ROBO2: variants seen among roughly 807,000 people sequenced by gnomAD.
ROBO2 encodes the protein roundabout guidance receptor 2.
Under a neutral mutation model 160.8 loss-of-function variants are expected in ROBO2, and 53 were observed. The observed-to-expected ratio is 0.33, with a 90% confidence interval of 0.26 to 0.41. ROBO2 has a LOEUF of 0.41. Ranked by LOEUF, ROBO2 falls within the 10% of genes least tolerant of loss-of-function variation. The pLI, the probability that ROBO2 is intolerant of heterozygous loss-of-function variation, is 1.00. For synonymous variants in ROBO2, 664 were observed against 611.7 expected (o/e 1.09, Z -1.26); for missense variants, 1,577 against 1,722.4 (o/e 0.92, Z 1.49).
At chr3:75,914,569 G>T (rs1576117358) in intron 1 of ROBO2, among the ~76,000 whole-genome samples, 1 of 152,148 alleles carries the variant, frequency 6.6e-6, no homozygotes. Context: ...AAAATAAAGA[G>T]AAGTTGATGC....
At chr3:76,198,956 C>T (rs1162382373) in intron 2 of ROBO2, among the ~76,000 whole-genome samples, 1 of 152,168 alleles carries the variant, frequency 6.6e-6, no homozygotes, top group Non-Finnish European at 1.5e-5. Flanking sequence ...TTGAACTGTA[C>T]CCCAACTACC....
At chr3:76,961,352 C>T (rs920370773) in intron 2 of ROBO2, among the ~76,000 whole-genome samples, 1 of 149,702 alleles carries the variant, frequency 6.7e-6, no homozygotes, top group Admixed American at 6.7e-5. Context: ...TTATGCACAT[C>T]GAAAATTTTC....
rs528152107 is a variant in ROBO2, at chr3:77,080,005, G to T, written c.62-18009G>T. Among the ~76,000 whole-genome samples, 15 of 152,222 alleles carry T rather than the reference G, an allele frequency of 9.9e-5. No homozygotes were observed. The South Asian group carries it at 3.1e-3, about 32-fold the overall frequency. The stretch of plus-strand genomic sequence containing the variant: ...CCATACAGTGTTAAATAATATTCTC[G>T]CTCCGTGTTTGTGAACTGAAACAAA... On this transcript the variant is annotated intron_variant, in intron 1 of 25. Coordinates refer to ENST00000461745, the Ensembl canonical transcript of ROBO2.
At chr3:76,322,860 A>C (rs1308291501) in intron 2 of ROBO2, among the ~76,000 whole-genome samples, 1 of 152,174 alleles carries the variant, frequency 6.6e-6, no homozygotes, top group Non-Finnish European at 1.5e-5. Context: ...CAATTAAAAT[A>C]ACTTTATGGG....
chr3:76,750,468 A>G (rs2093964869), intron 2 of ROBO2, among the ~76,000 whole-genome samples: 2 of 152,142 alleles, frequency 1.3e-5, no homozygotes, highest in African/African-American at 4.8e-5. Context: ...GGGAGAAAGA[A>G]ATAAAGGGTA....
intron 2 of ROBO2, among the ~76,000 whole-genome samples, chr3:77,226,093 C>T (rs1580172290): frequency 6.6e-6 from 1 of 151,908 alleles, no homozygotes; most frequent in Non-Finnish European, 1.5e-5. Context: ...AGAAATAATA[C>T]AACATGAATC....
At chr3:77,287,982 A>G (rs1347519529) in intron 2 of ROBO2, among the ~76,000 whole-genome samples, 1 of 152,188 alleles carries the variant, frequency 6.6e-6, no homozygotes, top group South Asian at 2.1e-4. Flanking sequence ...TCTTCATTGA[A>G]TCACCCTAGA....
chr3:75,965,075 A>G (rs537228792), intron 2 of ROBO2: 1 of 151,620 alleles, frequency 6.6e-6, no homozygotes, highest in East Asian at 2.0e-4. Flanking sequence ...TAGCCTGCTA[A>G]TTTATTTTTC....
chr3:76,792,777 C>T (rs978516626), intron 2 of ROBO2, among the ~76,000 whole-genome samples: 2 of 151,540 alleles, frequency 1.3e-5, no homozygotes, highest in Non-Finnish European at 3.0e-5. Flanking sequence ...TTTGTCAACC[C>T]AAACTTTTTT....
chr3:76,280,431 A>G (rs1351957473), intron 2 of ROBO2, among the ~76,000 whole-genome samples: 1 of 152,006 alleles, frequency 6.6e-6, no homozygotes, highest in Non-Finnish European at 1.5e-5. Context: ...CCACATGAGG[A>G]CACCATGAGA....
At chr3:76,783,259 C>T (rs2062765132) in intron 2 of ROBO2, among the ~76,000 whole-genome samples, 2 of 150,872 alleles carry the variant, frequency 1.3e-5, no homozygotes, top group Non-Finnish European at 3.0e-5. Context: ...ATATTGAATA[C>T]TTTGCCTTTT....
chr3:77,629,644 G>A (rs1190234862), intron 23 of ROBO2: 1 of 152,014 alleles, frequency 6.6e-6, no homozygotes, highest in Non-Finnish European at 1.5e-5. Flanking sequence ...CAATACACAT[G>A]CATATATATC....
At chr3:76,282,140 G>A (rs1384224291) in intron 2 of ROBO2, among the ~76,000 whole-genome samples, 2 of 151,954 alleles carry the variant, frequency 1.3e-5, no homozygotes, top group Non-Finnish European at 2.9e-5. Flanking sequence ...ATGACACATT[G>A]ACTGGAAACT....
intron 2 of ROBO2, among the ~76,000 whole-genome samples, chr3:76,869,471 T>C (rs2148667366): frequency 7.0e-6 from 1 of 143,838 alleles, no homozygotes; most frequent in Admixed American, 7.3e-5. Context: ...TGCCTCAGCC[T>C]CCCGAGTAGC....
At chr3:76,091,369 G>T (rs892294643) in intron 2 of ROBO2, among the ~76,000 whole-genome samples, 30 of 152,208 alleles carry the variant, frequency 2.0e-4, no homozygotes, top group Non-Finnish European at 4.1e-4. Context: ...ATCGCAAATT[G>T]AAACAATAAT....
intron 2 of ROBO2, among the ~76,000 whole-genome samples, chr3:77,147,050 G>A (rs1433791256): frequency 6.6e-6 from 1 of 152,120 alleles, no homozygotes; most frequent in Admixed American, 6.5e-5. Context: ...TGGGATATAT[G>A]CAATATGCAC....
At chr3:77,511,244 T>C (rs923585043) in intron 5 of ROBO2, among the ~76,000 whole-genome samples, 6 of 152,098 alleles carry the variant, frequency 3.9e-5, no homozygotes, top group Admixed American at 6.6e-5. Context: ...CATGGGAATG[T>C]AAGATGGGAG....
chr3:76,775,736 G>C (rs187066074), intron 2 of ROBO2, among the ~76,000 whole-genome samples: 76 of 104,516 alleles, frequency 7.3e-4, no homozygotes, highest in Middle Eastern at 5.3e-3. Context: ...GGAATACATC[G>C]ATGTTATTTA....
At chr3:76,244,673 C>T (rs1045667048) in intron 2 of ROBO2, among the ~76,000 whole-genome samples, 1 of 152,108 alleles carries the variant, frequency 6.6e-6, no homozygotes, top group African/African-American at 2.4e-5. Flanking sequence ...AAGTATTGGA[C>T]TGGACGTCAG....
Sources: gnomAD v4.1 joint callset for allele counts (sites outside exome capture counted in the v4.1 genomes callset) on GRCh38, gnomAD v4.1.1 for gene constraint, MANE v1.5 for transcripts, NCBI Gene and HGNC (gene_info 2026-07-23, HGNC 2026-07-21) for gene names.